RNF182: variants seen among roughly 807,000 people sequenced by gnomAD.
The protein encoded by RNF182 is E3 ubiquitin-protein ligase RNF182.
In RNF182, 15 loss-of-function variants were observed where a neutral mutation model predicts 14.4. That is an observed-to-expected ratio of 1.04 (90% CI 0.70 to 1.60). The LOEUF (loss-of-function observed/expected upper bound fraction) is 1.60. Among genes scored for constraint, RNF182 ranks in the 40% most tolerant of loss-of-function variants. The pLI is 0.00. For synonymous variants in RNF182, 128 were observed against 122.9 expected, an observed-to-expected ratio of 1.04 and a Z score of -0.27; for missense variants, 268 against 294.8, an observed-to-expected ratio of 0.91 and a Z score of 0.67.
intron 1 of RNF182, among the ~76,000 whole-genome samples, chr6:13,946,307 C>G (rs902604867): frequency 6.6e-6 from 1 of 151,934 alleles, no homozygotes; most frequent in Non-Finnish European, 1.5e-5. Flanking sequence ...GCTGGAACTA[C>G]AGGCATGTGC....
chr6:13,960,218 T>C (rs1459049138), intron 1 of RNF182, among the ~76,000 whole-genome samples: 1 of 152,226 alleles, frequency 6.6e-6, no homozygotes. Context: ...CTTGTCTTGA[T>C]TGTCTTTGCA....
chr6:13,958,028 C>CTAGA (rs1475549068), intron 1 of RNF182, among the ~76,000 whole-genome samples: 2 of 151,584 alleles, frequency 1.3e-5, no homozygotes, highest in Admixed American at 1.3e-4. Flanking sequence ...TGAGAGCTTC[C>CTAGA]TAGATGCTAT....
chr6:13,939,516 AT>A (rs1007238560), intron 1 of RNF182, among the ~76,000 whole-genome samples: 7 of 151,272 alleles, frequency 4.6e-5, no homozygotes, highest in African/African-American at 1.2e-4. Flanking sequence ...TTTTGTTTTT[AT>A]TTTTTTATTT....
At position 13,976,893 on chromosome 6, in the gene RNF182, C is replaced by A. The variant is rs983530217; in HGVS notation, c.-211-16C>A. ...TGAACTGTTCATTATATTAGAATCT[C>A]TTTTCTTCTTTACAGACCCTTCATG... is the stretch of plus-strand genomic sequence containing the variant. On this transcript the variant is annotated splice_polypyrimidine_tract_variant and intron_variant, in intron 2 of 2. Transcript: ENST00000488300. The A allele has an allele frequency of 2.4e-5, 13 of 530,910 alleles. No individual in the cohort carries two copies. The highest frequency in any genetic ancestry group is 3.7e-5 in the Non-Finnish European group (11 of 301,346). The allele number at this position is 530,910 out of a possible 1,614,324, so 32.9% of individuals were successfully genotyped here. A position where few individuals can be genotyped will look rare whatever the true frequency, so the allele number is the denominator to read the frequency against.
intron 1 of RNF182, among the ~76,000 whole-genome samples, chr6:13,956,683 A>G (rs1759741813): frequency 6.6e-6 from 1 of 152,114 alleles, no homozygotes. Flanking sequence ...ATCTTGGCTC[A>G]CTACAAAAGT....
At chr6:13,935,544 C>T (rs1759086265) in intron 1 of RNF182, among the ~76,000 whole-genome samples, 1 of 152,122 alleles carries the variant, frequency 6.6e-6, no homozygotes. Context: ...CTGATTCTGA[C>T]AGTGGAATGA....
At chr6:13,971,401 T>A (rs183638376) in intron 1 of RNF182, among the ~76,000 whole-genome samples, 1 of 152,290 alleles carries the variant, frequency 6.6e-6, no homozygotes, top group Non-Finnish European at 1.5e-5. Flanking sequence ...CATGTGAAAT[T>A]GTGAGTCCAT....
chr6:13,969,065 C>A (rs1167323995), intron 1 of RNF182, among the ~76,000 whole-genome samples: 1 of 152,144 alleles, frequency 6.6e-6, no homozygotes, highest in East Asian at 1.9e-4. Flanking sequence ...TTATTGACTT[C>A]AGAAACTCAG....
At chr6:13,948,896 T>G (rs1255653485) in intron 1 of RNF182, among the ~76,000 whole-genome samples, 3 of 152,166 alleles carry the variant, frequency 2.0e-5, no homozygotes, top group Non-Finnish European at 2.9e-5. Context: ...ACAAAAATCT[T>G]TTATCTTTTA....
intron 1 of RNF182, among the ~76,000 whole-genome samples, chr6:13,929,971 T>C (rs145917646): frequency 1.3e-5 from 2 of 152,218 alleles, no homozygotes; most frequent in African/African-American, 4.8e-5. Flanking sequence ...GAAACTAGAA[T>C]AATTTATGAA....
At chr6:13,956,845 G>T (rs903292483) in intron 1 of RNF182, among the ~76,000 whole-genome samples, 2 of 151,992 alleles carry the variant, frequency 1.3e-5, no homozygotes, top group African/African-American at 4.8e-5. Flanking sequence ...TCATTTCCTG[G>T]GCTGATATGA....
chr6:13,943,887 T>A (rs562847956), intron 1 of RNF182, among the ~76,000 whole-genome samples: 15 of 152,342 alleles, frequency 9.8e-5, no homozygotes, highest in African/African-American at 3.4e-4. Context: ...GTGATTTGTA[T>A]GTGTAGTTAG....
At chr6:13,949,326 A>G (rs1759523420) in intron 1 of RNF182, 17 of 773,322 alleles carry the variant, frequency 2.2e-5, no homozygotes, top group Admixed American at 2.1e-4. Flanking sequence ...GTAATCTTTA[A>G]TAGAGTGGCC....
intron 1 of RNF182, among the ~76,000 whole-genome samples, chr6:13,973,367 G>T (rs1352311636): frequency 6.6e-6 from 1 of 152,160 alleles, no homozygotes; most frequent in African/African-American, 2.4e-5. Flanking sequence ...GGGGACTGTT[G>T]GGAGGGCACG....
chr6:13,946,064 C>T (rs1759431550), intron 1 of RNF182, among the ~76,000 whole-genome samples: 1 of 151,812 alleles, frequency 6.6e-6, no homozygotes, highest in Non-Finnish European at 1.5e-5. Context: ...TGCTTTACTA[C>T]AAGGGTTTGT....
At chr6:13,960,693 G>A (rs1293550843) in intron 1 of RNF182, among the ~76,000 whole-genome samples, 4 of 109,056 alleles carry the variant, frequency 3.7e-5, no homozygotes, top group Middle Eastern at 5.3e-3. Context: ...GTGTGTGTGT[G>A]CGCGCGTGCA....
At chr6:13,955,854 A>G (rs1045943074) in intron 1 of RNF182, among the ~76,000 whole-genome samples, 3 of 152,170 alleles carry the variant, frequency 2.0e-5, no homozygotes, top group Admixed American at 1.3e-4. Flanking sequence ...GGAGTTCAAG[A>G]CCAGCCTGGA....
At chr6:13,976,344 A>G (rs77409414) in intron 2 of RNF182, among the ~76,000 whole-genome samples, 1,895 of 152,356 alleles carry the variant, frequency 0.012, 52 homozygotes, top group African/African-American at 0.043. Context: ...CAATAAAAGC[A>G]TTTATATAAC....
At position 13,978,035 on chromosome 6, in the gene RNF182, T is replaced by A; in HGVS notation, c.*172T>A. 1.3e-6 allele frequency: 1 copy of A among 763,008 alleles called. No homozygotes were observed. The highest frequency in any genetic ancestry group is 2.1e-6 in the Non-Finnish European group (1 of 481,738). 47.3% of individuals were successfully genotyped at this position (763,008 alleles called of 1,614,324 possible). On this transcript the variant is annotated 3_prime_UTR_variant, in exon 3 of 3. Coordinates refer to ENST00000488300, the MANE Select transcript of RNF182 (RefSeq NM_152737.4). ...TTCCTGTAGGCTGGAAGTAAAAATG[T>A]TCATTTCTACTTAGGGGTTAGCAAA...
Sources: allele counts gnomAD v4.1 joint callset (sites outside exome capture counted in the v4.1 genomes callset), GRCh38; gene constraint gnomAD v4.1.1; transcripts MANE v1.5; gene names NCBI Gene and HGNC (gene_info 2026-07-23, HGNC 2026-07-21).